The following PTPRK variants were observed in gnomAD, a reference collection of about 807,000 sequenced individuals.
PTPRK encodes the protein protein tyrosine phosphatase receptor type K.
PTPRK carries 75 observed loss-of-function variants against 178.0 expected under a neutral mutation model. That is an observed-to-expected ratio of 0.42 (90% CI 0.35 to 0.51). The LOEUF (loss-of-function observed/expected upper bound fraction) is 0.51. PTPRK is among the 20% of genes least tolerant of loss of function. The pLI, the probability that PTPRK is intolerant of heterozygous loss-of-function variation, is 0.02. For synonymous variants in PTPRK, 637 were observed against 620.6 expected, an observed-to-expected ratio of 1.03 and a Z score of -0.39; for missense variants, 1,441 against 1,797.8, an observed-to-expected ratio of 0.80 and a Z score of 3.59.
intron 7 of PTPRK, among the ~76,000 whole-genome samples, chr6:128,105,379 C>T (rs1789547251): frequency 6.6e-6 from 1 of 152,108 alleles, no homozygotes. Context: ...GTGATCCGCC[C>T]ACCTCAGCCT....
intron 13 of PTPRK, among the ~76,000 whole-genome samples, chr6:128,019,036 C>T (rs1456294808): frequency 6.6e-6 from 1 of 152,084 alleles, no homozygotes; most frequent in East Asian, 1.9e-4. Context: ...ACCATGGCTA[C>T]TGGTATTACA....
chr6:127,985,110 G>A (rs1446086591), intron 22 of PTPRK, among the ~76,000 whole-genome samples: 3 of 152,116 alleles, frequency 2.0e-5, no homozygotes, highest in Non-Finnish European at 4.4e-5. Context: ...TCAAAATGAG[G>A]CCATGTAATT....
At chr6:128,520,099 C>G (rs1326127179) in intron 1 of PTPRK, among the ~76,000 whole-genome samples, 160 bp downstream of exon 1, 4 of 152,146 alleles carry the variant, frequency 2.6e-5, no homozygotes, top group African/African-American at 9.7e-5. Flanking sequence ...TCCCACCTGG[C>G]ACGAACTCTG....
intron 2 of PTPRK, among the ~76,000 whole-genome samples, chr6:128,339,697 A>G (rs556463779): frequency 6.6e-6 from 1 of 152,318 alleles, no homozygotes; most frequent in East Asian, 1.9e-4. Context: ...TGTACCTAAG[A>G]AAATGAACAT....
intron 7 of PTPRK, among the ~76,000 whole-genome samples, chr6:128,092,155 T>C (rs765225435): frequency 1.3e-5 from 2 of 152,214 alleles, no homozygotes; most frequent in African/African-American, 2.4e-5. Flanking sequence ...AATACTTTAT[T>C]AACTGATATG....
chr6:127,983,134 G>T, intron 23 of PTPRK, 108 bp downstream of exon 23: 1 of 1,303,744 alleles, frequency 7.7e-7, no homozygotes, highest in South Asian at 1.6e-5. Context: ...GATTACACAT[G>T]AAAAACATCT....
At chr6:128,002,690 C>T (rs1417010294) in intron 15 of PTPRK, among the ~76,000 whole-genome samples, 1 of 151,908 alleles carries the variant, frequency 6.6e-6, no homozygotes, top group Non-Finnish European at 1.5e-5. Context: ...TCAAACCCCA[C>T]ATCAAGATTT....
intron 1 of PTPRK, among the ~76,000 whole-genome samples, chr6:128,441,641 C>A (rs1297920074): frequency 6.6e-6 from 1 of 152,126 alleles, no homozygotes; most frequent in African/African-American, 2.4e-5. Context: ...GGAGTCAGAT[C>A]TATCTTCCAT....
chr6:128,365,980 A>G (rs1835424176), intron 2 of PTPRK, among the ~76,000 whole-genome samples: 1 of 152,154 alleles, frequency 6.6e-6, no homozygotes, highest in Non-Finnish European at 1.5e-5. Flanking sequence ...ACATTAGGTG[A>G]CAACTGAGCC....
chr6:128,221,480 C>T (rs1161666419), intron 5 of PTPRK, among the ~76,000 whole-genome samples: 13 of 150,860 alleles, frequency 8.6e-5, no homozygotes, highest in South Asian at 2.1e-4. Flanking sequence ...GCCGAGATCA[C>T]GCCACTGCAC....
intron 1 of PTPRK, among the ~76,000 whole-genome samples, chr6:128,516,826 A>G (rs1858108146): frequency 6.6e-6 from 1 of 152,164 alleles, no homozygotes; most frequent in Admixed American, 6.6e-5. Context: ...CTGAACCAAC[A>G]GTTAAACAAA....
chr6:128,137,704 G>A (rs1795208480), intron 7 of PTPRK, among the ~76,000 whole-genome samples: 1 of 151,950 alleles, frequency 6.6e-6, no homozygotes. Flanking sequence ...CAGCATCCAA[G>A]ATAGTCTTTT....
intron 13 of PTPRK, among the ~76,000 whole-genome samples, chr6:128,026,533 C>T (rs1774339682): frequency 6.6e-6 from 1 of 152,146 alleles, no homozygotes; most frequent in Non-Finnish European, 1.5e-5. Context: ...ATTCTGCTCT[C>T]TAGGCTTGTT....
Position 128,218,953 on chromosome 6 carries a change from A to G in PTPRK, c.837T>C (p.Gly279=), listed in dbSNP as rs757615302. The G allele has an allele frequency of 8.1e-6, 13 of 1,613,898 alleles. No individual in the cohort carries two copies. Among genetic ancestry groups the G allele is most frequent in the African/African-American group, 1.3e-5 (1 of 74,922 alleles). The change falls in exon 6 of 30, where the codon GGT becomes GGC. Residue 279 remains glycine, a synonymous_variant. Coordinates refer to ENST00000368226, the MANE Select transcript of PTPRK (RefSeq NM_002844.4). ...CAATAAGTTGAGCAAAATTGGACACACCGGAACCTCGTTCTGACTGAGTTA... is the reference window on the plus strand; with the variant it reads ...CAATAAGTTGAGCAAAATTGGACACGCCGGAACCTCGTTCTGACTGAGTTA... ...RCVTQSERGS[G]VSNFAQLIVR...
chr6:128,442,956 A>T (rs1200262014), intron 1 of PTPRK, among the ~76,000 whole-genome samples: 2 of 152,216 alleles, frequency 1.3e-5, no homozygotes, highest in African/African-American at 4.8e-5. Context: ...TTTGTATAGC[A>T]TTGGTGAAGC....
intron 2 of PTPRK, among the ~76,000 whole-genome samples, chr6:128,340,109 TA>T (rs1388370208): frequency 6.6e-6 from 1 of 152,218 alleles, no homozygotes; most frequent in Non-Finnish European, 1.5e-5. Flanking sequence ...ATCTGATTCT[TA>T]GACAAACTAA....
intron 1 of PTPRK, 82 bp downstream of exon 1, chr6:128,520,177 C>G (rs1858822897): frequency 8.0e-7 from 1 of 1,249,490 alleles, no homozygotes. Context: ...GATCCTTGTC[C>G]CCAGCCCTAG....
At chr6:128,054,442 G>A (rs757742716) in intron 13 of PTPRK, among the ~76,000 whole-genome samples, 4 of 152,102 alleles carry the variant, frequency 2.6e-5, no homozygotes, top group Non-Finnish European at 4.4e-5. Flanking sequence ...TATTATTTCT[G>A]CTCTTTTGTT....
At chr6:128,453,344 G>A (rs1427961189) in intron 1 of PTPRK, among the ~76,000 whole-genome samples, 2 of 152,142 alleles carry the variant, frequency 1.3e-5, no homozygotes, top group Non-Finnish European at 2.9e-5. Flanking sequence ...CTTAGCTCCA[G>A]CCCAACCCTT....
Sources: allele counts gnomAD v4.1 joint callset (sites outside exome capture counted in the v4.1 genomes callset), GRCh38; gene constraint gnomAD v4.1.1; transcripts MANE v1.5; gene names NCBI Gene and HGNC (gene_info 2026-07-23, HGNC 2026-07-21).